The following KDR variants were observed in gnomAD, a reference collection of about 807,000 sequenced individuals.
KDR encodes vascular endothelial growth factor receptor 2.
A neutral mutation model predicts 160.9 loss-of-function variants in KDR; 43 were observed. That is an observed-to-expected ratio of 0.27 (90% CI 0.21 to 0.34). KDR has a LOEUF of 0.34. KDR is among the 10% of genes least tolerant of loss of function. KDR has a pLI of 1.00. For missense variants in KDR, 1,469 were observed against 1,666.4 expected (o/e 0.88, Z 2.06); for synonymous variants, 617 against 600.1 (o/e 1.03, Z -0.41).
At chr4:55,123,857 C>T (rs1189871738) in intron 1 of KDR, among the ~76,000 whole-genome samples, 1 of 152,210 alleles carries the variant, frequency 6.6e-6, no homozygotes, top group African/African-American at 2.4e-5. Flanking sequence ...ACAGCCCAAT[C>T]CAATTAAGCA....
At chr4:55,121,487 T>C (rs1720872505) in intron 1 of KDR, among the ~76,000 whole-genome samples, 1 of 152,198 alleles carries the variant, frequency 6.6e-6, no homozygotes, top group South Asian at 2.1e-4. Context: ...TACGGGACAT[T>C]GAAACCAAAT....
intron 22 of KDR, 75 bp from the exon 23 acceptor site, chr4:55,090,153 C>CA (rs935197994): frequency 1.1e-3 from 1,623 of 1,501,520 alleles, no homozygotes; most frequent in Non-Finnish European, 1.3e-3. Context: ...CCTCATGCAT[C>CA]AAAAAAAAAT....
intron 26 of KDR, 150 bp from the exon 27 acceptor site, chr4:55,087,908 A>T (rs961619426): frequency 1.0e-5 from 8 of 765,854 alleles, no homozygotes; most frequent in Non-Finnish European, 1.8e-5. Flanking sequence ...AATACAAATC[A>T]TGTGTCAGAA....
At position 55,079,227 on chromosome 4, in the gene KDR, C is replaced by T. The variant is rs553595170; in HGVS notation, c.*714G>A. 1.4e-3 allele frequency: 332 copies of T among 233,502 alleles called. No homozygotes were observed. The highest frequency in any genetic ancestry group is 2.4e-3 in the Non-Finnish European group (282 of 118,262). 14.5% of individuals were successfully genotyped at this position (233,502 alleles called of 1,614,324 possible). On this transcript the variant is annotated 3_prime_UTR_variant, in exon 30 of 30. Transcript: ENST00000263923. ...CTTCCTGGGGCTTGGCCAGGAGACA[C>T]GTAACGGTCTGGAAGGAACTCTCAT...
At chr4:55,089,045 A>T in intron 25 of KDR, 72 bp from the exon 26 acceptor site, 1 of 1,092,306 alleles carries the variant, frequency 9.2e-7, no homozygotes, top group Non-Finnish European at 1.4e-6. Context: ...CACTTAAATG[A>T]GTACACATTT....
At chr4:55,113,144 C>T (rs1202799647) in intron 7 of KDR, among the ~76,000 whole-genome samples, 160 bp downstream of exon 7, 1 of 152,192 alleles carries the variant, frequency 6.6e-6, no homozygotes, top group Non-Finnish European at 1.5e-5. Context: ...TTCCTGACTA[C>T]AAAGCTATGC....
chr4:55,114,752 G>A (rs1295707347), intron 5 of KDR, 122 bp downstream of exon 5: 4 of 848,094 alleles, frequency 4.7e-6, no homozygotes, highest in Admixed American at 1.9e-5. Context: ...CAGATGAATT[G>A]CCCAACACCA....
At chr4:55,094,756 C>G (rs775902098) in intron 21 of KDR, 46 bp downstream of exon 21, 43 of 1,579,380 alleles carry the variant, frequency 2.7e-5, no homozygotes, top group Non-Finnish European at 3.3e-5. Flanking sequence ...ACCCTGTCTG[C>G]TCTGACAAGA....
In KDR at chr4:55,125,219, C is replaced by T; in HGVS notation, c.67+8G>A. 6.2e-7 allele frequency: 1 copy of T among 1,611,428 alleles called. No individual in the cohort carries two copies. The highest frequency in any genetic ancestry group is 8.5e-7 in the Non-Finnish European group (1 of 1,179,066). On this transcript the variant is annotated splice_region_variant and intron_variant, in intron 1 of 29. Transcript: ENST00000263923. ...GTCTGCCTTCCTCCTCCAGAGTGGGCTCCTTACCCACAGAGGCGGCCCGGG... is the reference window on the plus strand; with the variant it reads ...GTCTGCCTTCCTCCTCCAGAGTGGGTTCCTTACCCACAGAGGCGGCCCGGG...
At chr4:55,105,980 C>G in intron 11 of KDR, 40 bp from the exon 12 acceptor site, 1 of 1,287,744 alleles carries the variant, frequency 7.8e-7, no homozygotes, top group South Asian at 1.2e-5. Context: ...ATAAACAACG[C>G]GGCTGTTTGT....
In KDR at chr4:55,102,356, A is replaced by G; in HGVS notation, c.2134+6T>C. ...AACCCAAGAGTGATAGCCAAATTCT[A>G]TTTACCTGAGTCTTCTACAAGGGTC... On this transcript the variant is annotated splice_donor_region_variant and intron_variant, in intron 14 of 29. Transcript: ENST00000263923. 6.2e-7 allele frequency: 1 copy of G among 1,613,344 alleles called. No individual in the cohort carries two copies. The highest frequency in any genetic ancestry group is 8.5e-7 in the Non-Finnish European group (1 of 1,179,472).
intron 5 of KDR, 137 bp downstream of exon 5, chr4:55,114,737 A>G: frequency 2.7e-6 from 2 of 753,714 alleles, no homozygotes; most frequent in Non-Finnish European, 4.6e-6. Flanking sequence ...TTTGGTAGAG[A>G]AGAGCAGATG....
chr4:55,105,668 C>A (rs987205342), intron 12 of KDR, among the ~76,000 whole-genome samples, 164 bp downstream of exon 12: 3 of 152,132 alleles, frequency 2.0e-5, no homozygotes, highest in Admixed American at 2.0e-4. Flanking sequence ...CCAGGAGATA[C>A]CTGAGAAGTT....
At chr4:55,124,164 G>A (rs1578142390) in intron 1 of KDR, among the ~76,000 whole-genome samples, 2 of 152,088 alleles carry the variant, frequency 1.3e-5, no homozygotes, top group African/African-American at 2.4e-5. Context: ...TGTCTTCTAA[G>A]ACATGTGATT....
intron 22 of KDR, 96 bp downstream of exon 22, chr4:55,092,521 T>C: frequency 1.1e-6 from 1 of 884,392 alleles, no homozygotes; most frequent in Non-Finnish European, 1.9e-6. Flanking sequence ...GTGAATGAAT[T>C]ACAATCCCAA....
chr4:55,090,545 A>T (rs1341776955), intron 22 of KDR, among the ~76,000 whole-genome samples: 1 of 152,178 alleles, frequency 6.6e-6, no homozygotes, highest in Admixed American at 6.5e-5. Context: ...CTGAAGCCAG[A>T]CTGGCTCTGA....
At chr4:55,117,871 A>C (rs1186734577) in intron 3 of KDR, among the ~76,000 whole-genome samples, 1 of 152,252 alleles carries the variant, frequency 6.6e-6, no homozygotes, top group African/African-American at 2.4e-5. Context: ...AGAAAAGATA[A>C]GATAGTGTAA....
Position 55,118,755 on chromosome 4 carries a change from G to T in KDR, c.207C>A (p.Gly69=). 6.2e-7 allele frequency: 1 copy of T among 1,614,124 alleles called. No homozygotes were observed. The highest frequency in any genetic ancestry group is 8.5e-7 in the Non-Finnish European group (1 of 1,180,008). The part of the protein sequence containing the change: ...LDWLWPNNQS[G]SEQRVEVTEC... ...CAGTCACCTCCACCCTTTGCTCACT[G>T]CCACTCTGATTATTGGGCCAAAGCC... The change falls in exon 3 of 30, where the codon GGC becomes GGA. Residue 69 remains glycine, a synonymous_variant. Transcript: ENST00000263923.
Position 55,092,763 on chromosome 4 carries a change from G to A in KDR, c.2972-49C>T, listed in dbSNP as rs184000087. Reference sequence around the variant, plus strand: ...GAGATCAGTATTTCCATGAGTTAGTGTGATGTTTCTAAGTTTGCTAGAGTA... The same window carrying A: ...GAGATCAGTATTTCCATGAGTTAGTATGATGTTTCTAAGTTTGCTAGAGTA... On this transcript the variant is annotated intron_variant, in intron 21 of 29. Coordinates refer to ENST00000263923, the MANE Select transcript of KDR (RefSeq NM_002253.4). The A allele has an allele frequency of 3.6e-5, 47 of 1,299,618 alleles. No homozygotes were observed. In the African/African-American group the frequency reaches 5.5e-4, roughly 15 times the overall value. 80.5% of individuals were successfully genotyped at this position (1,299,618 alleles called of 1,614,324 possible). A position where few individuals can be genotyped will look rare whatever the true frequency, so the allele number is the denominator to read the frequency against.
Sources: allele counts gnomAD v4.1 joint callset (sites outside exome capture counted in the v4.1 genomes callset), GRCh38; gene constraint gnomAD v4.1.1; transcripts MANE v1.5; gene names NCBI Gene and HGNC (gene_info 2026-07-23, HGNC 2026-07-21).